Variants in CASQ2 observed in about 807,000 individuals in gnomAD.
CASQ2 encodes the protein calsequestrin 2.
Under a neutral mutation model 46.5 loss-of-function variants are expected in CASQ2, and 49 were observed. The ratio of observed to expected loss-of-function variants is 1.05; its 90% confidence interval spans 0.84 to 1.34. The LOEUF is 1.34. Among genes scored for constraint, CASQ2 ranks in the 40% most tolerant of loss-of-function variants. The pLI is 0.00. For missense variants in CASQ2, 486 were observed against 481.3 expected (o/e 1.01, Z -0.09); for synonymous variants, 174 against 168.5 (o/e 1.03, Z -0.25).
Position 115,720,500 on chromosome 1 carries a change from A to G in CASQ2, c.784-2606T>C, listed in dbSNP as rs186367296. Among the ~76,000 whole-genome samples the G allele has an allele frequency of 1.4e-4, 22 of 152,256 alleles. No individual in the cohort carries two copies. The East Asian group carries it at 3.5e-3, about 24-fold the overall frequency. On this transcript the variant is annotated intron_variant, in intron 7 of 10. Transcript: ENST00000261448. ...CAAACATTCAGACCACAGAACCTGT[A>G]CTCTTTCTTTCTCACCACCACCAGC...
At chr1:115,719,016 A>C (rs1432976002) in intron 7 of CASQ2, among the ~76,000 whole-genome samples, 1 of 151,162 alleles carries the variant, frequency 6.6e-6, no homozygotes, top group African/African-American at 2.4e-5. Flanking sequence ...CTATGGAAAA[A>C]CCTCCAGGCG....
chr1:115,766,413 C>G (rs1479017311), intron 1 of CASQ2, among the ~76,000 whole-genome samples: 1 of 152,178 alleles, frequency 6.6e-6, no homozygotes, highest in African/African-American at 2.4e-5. Flanking sequence ...AAGGATTAAA[C>G]AAGCTAACAC....
chr1:115,718,116 C>A (rs1647236616), intron 7 of CASQ2, among the ~76,000 whole-genome samples: 1 of 152,028 alleles, frequency 6.6e-6, no homozygotes, highest in African/African-American at 2.4e-5. Context: ...ATCAGGGACT[C>A]AGATAAATGA....
At position 115,744,923 on chromosome 1, in the gene CASQ2, A is replaced by G; in HGVS notation, c.235-11T>C. On this transcript the variant is annotated splice_polypyrimidine_tract_variant and intron_variant, in intron 1 of 10. Transcript: ENST00000261448. The stretch of plus-strand genomic sequence containing the variant: ...GACCTGGGCCACAAGCTGAAGAAAC[A>G]AATGGAAAGATGAGTGTGCTAAGGG... 1 of 1,594,800 alleles carries G rather than the reference A, an allele frequency of 6.3e-7. No homozygotes were observed. The highest frequency in any genetic ancestry group is 8.6e-7 in the Non-Finnish European group (1 of 1,162,780).
chr1:115,768,146 C>G (rs1408530685), intron 1 of CASQ2, among the ~76,000 whole-genome samples, 162 bp downstream of exon 1: 5 of 152,126 alleles, frequency 3.3e-5, no homozygotes, highest in Non-Finnish European at 7.4e-5. Flanking sequence ...TTCACACATC[C>G]CAGCTGTGTG....
At chr1:115,736,711 CA>C (rs1647977805) in intron 4 of CASQ2, among the ~76,000 whole-genome samples, 1 of 152,020 alleles carries the variant, frequency 6.6e-6, no homozygotes, top group Admixed American at 6.6e-5. Context: ...AGGTTTTTTA[CA>C]ATGCAATATG....
intron 8 of CASQ2, among the ~76,000 whole-genome samples, chr1:115,709,350 T>G (rs1244908948): frequency 6.6e-6 from 1 of 152,252 alleles, no homozygotes; most frequent in Non-Finnish European, 1.5e-5. Context: ...ACTAGTCCAC[T>G]GTTAAAATTA....
chr1:115,743,014 T>C (rs1350678336), intron 2 of CASQ2, among the ~76,000 whole-genome samples: 1 of 151,936 alleles, frequency 6.6e-6, no homozygotes, highest in African/African-American at 2.4e-5. Context: ...GGTCTCGATC[T>C]CCTGACCTTG....
chr1:115,711,645 T>C (rs1285574994), intron 8 of CASQ2, among the ~76,000 whole-genome samples: 1 of 151,576 alleles, frequency 6.6e-6, no homozygotes, highest in Non-Finnish European at 1.5e-5. Flanking sequence ...GGGTTTTTGT[T>C]TGTTTGTTTT....
rs375280022 is a variant in CASQ2, at chr1:115,723,097, G to A, written c.783+2411C>T. Reference sequence around the variant, plus strand: ...AAAAGAAAGAGAAACATAGGCAAATGTAAGTGTGGAATCCTGGATTGGATT... The same window carrying A: ...AAAAGAAAGAGAAACATAGGCAAATATAAGTGTGGAATCCTGGATTGGATT... On this transcript the variant is annotated intron_variant, in intron 7 of 10. Transcript: ENST00000261448. Among the ~76,000 whole-genome samples the A allele has an allele frequency of 9.9e-5, 15 of 152,072 alleles. No individual in the cohort carries two copies. The East Asian group carries it at 2.5e-3, about 25-fold the overall frequency.
chr1:115,726,954 A>AACCCC, intron 6 of CASQ2, 38 bp downstream of exon 6: 2 of 1,108,068 alleles, frequency 1.8e-6, no homozygotes, highest in Non-Finnish European at 2.7e-6. Flanking sequence ...CATTCCCCAG[A>AACCCC]CCCCAGGCCC....
chr1:115,745,255 G>A (rs1172235198), intron 1 of CASQ2, among the ~76,000 whole-genome samples: 1 of 152,196 alleles, frequency 6.6e-6, no homozygotes, highest in East Asian at 1.9e-4. Context: ...TGCCTGACAA[G>A]GGGCCCTGAG....
chr1:115,747,156 A>G (rs1648417805), intron 1 of CASQ2, among the ~76,000 whole-genome samples: 1 of 152,176 alleles, frequency 6.6e-6, no homozygotes, highest in Non-Finnish European at 1.5e-5. Flanking sequence ...ATAAAATTTA[A>G]GATAGGTTGA....
chr1:115,735,229 A>G (rs535207593), intron 4 of CASQ2, among the ~76,000 whole-genome samples: 6 of 152,366 alleles, frequency 3.9e-5, no homozygotes, highest in South Asian at 4.1e-4. Context: ...AGTGACTCCA[A>G]TAACATTCAA....
Position 115,740,847 on chromosome 1 carries a change from C to T in CASQ2, c.320-19G>A, listed in dbSNP as rs915350090. 1 of 1,523,916 alleles carries T rather than the reference C, an allele frequency of 6.6e-7. No individual in the cohort carries two copies. Among genetic ancestry groups the T allele is most frequent in the Non-Finnish European group, 9.1e-7 (1 of 1,098,238 alleles). The allele number at this position is 1,523,916 out of a possible 1,614,324, so 94.4% of individuals were successfully genotyped here. ...TCAAAACCTGTAAGAAACAAAGAGG[C>T]CCACAGAGAAGGTCATCCTGACGTA... On this transcript the variant is annotated intron_variant, in intron 2 of 10. Coordinates refer to ENST00000261448, the MANE Select transcript of CASQ2 (RefSeq NM_001232.4).
At chr1:115,734,672 C>A (rs1297610413) in intron 4 of CASQ2, among the ~76,000 whole-genome samples, 2 of 152,182 alleles carry the variant, frequency 1.3e-5, no homozygotes, top group Non-Finnish European at 2.9e-5. Context: ...ACTCTTTTGG[C>A]TTCTGGAATA....
intron 5 of CASQ2, among the ~76,000 whole-genome samples, chr1:115,730,174 C>T (rs1647737017): frequency 6.6e-6 from 1 of 152,120 alleles, no homozygotes; most frequent in African/African-American, 2.4e-5. Flanking sequence ...CTGCCACAAC[C>T]CTAAAAAATT....
At chr1:115,702,896 G>T in intron 10 of CASQ2, 25 bp downstream of exon 10, 1 of 1,588,412 alleles carries the variant, frequency 6.3e-7, no homozygotes, top group Non-Finnish European at 8.6e-7. Context: ...GGGTGCCTGA[G>T]CAAGCCTTCA....
chr1:115,746,882 C>A (rs1172826002), intron 1 of CASQ2, among the ~76,000 whole-genome samples: 1 of 152,126 alleles, frequency 6.6e-6, no homozygotes, highest in African/African-American at 2.4e-5. Flanking sequence ...GGGTAATTAG[C>A]ATACCTGTCA....
Sources: gnomAD v4.1 joint callset for allele counts (sites outside exome capture counted in the v4.1 genomes callset) on GRCh38, gnomAD v4.1.1 for gene constraint, MANE v1.5 for transcripts, NCBI Gene and HGNC (gene_info 2026-07-23, HGNC 2026-07-21) for gene names.